STPG1: variants seen among roughly 807,000 people sequenced by gnomAD.
STPG1 encodes sperm tail PG-rich repeat containing 1.
STPG1 carries 33 observed loss-of-function variants against 40.1 expected under a neutral mutation model. That is an observed-to-expected ratio of 0.82 (90% CI 0.62 to 1.10). STPG1 has a LOEUF of 1.10. STPG1 is among the 50% of genes least tolerant of loss of function. The pLI is 0.00. For missense variants in STPG1, 396 were observed against 415.1 expected (o/e 0.95, Z 0.40); for synonymous variants, 150 against 155.0 (o/e 0.97, Z 0.24).
rs537570018 is a variant in STPG1, at chr1:24,400,370, A to G, written c.70+949T>C. ...TTTACTTTTGCAGGGAAGGGAGATA[A>G]TATCTGAGAAGGGACAAGGGCTTTT... On this transcript the variant is annotated intron_variant, in intron 2 of 8. Transcript: ENST00000337248. Among the ~76,000 whole-genome samples, 121 of 152,322 alleles carry G rather than the reference A, an allele frequency of 7.9e-4. 1 individual carries two copies. The highest frequency in any genetic ancestry group is 2.3e-3 in the East Asian group (12 of 5,178).
In STPG1 at chr1:24,373,915, A is replaced by C. The variant is rs958907025; in HGVS notation, c.463-105T>G. The C allele has an allele frequency of 1.6e-5, 13 of 793,050 alleles. No individual in the cohort carries two copies. The Admixed American group carries it at 2.4e-4, about 15-fold the overall frequency. The allele number at this position is 793,050 out of a possible 1,614,324, so 49.1% of individuals were successfully genotyped here. On this transcript the variant is annotated intron_variant, in intron 5 of 8. Transcript: ENST00000337248. Reference sequence around the variant, plus strand: ...ATCTACGTAAAAAAAATCAAACCGAAACCTGTCCTTCTTAGCAAATGAACA... The same window carrying C: ...ATCTACGTAAAAAAAATCAAACCGACACCTGTCCTTCTTAGCAAATGAACA...
rs1200942933 is a variant in STPG1, at chr1:24,364,135, C to T, written c.738-3094G>A. Reference sequence around the variant, plus strand: ...CTGTTCCTTCTGTGAGAAACACCAACTTTCCCTGCAAACTCGAATTCAATT... The same window carrying T: ...CTGTTCCTTCTGTGAGAAACACCAATTTTCCCTGCAAACTCGAATTCAATT... On this transcript the variant is annotated intron_variant, in intron 7 of 8. Transcript: ENST00000337248. The T allele has an allele frequency of 3.4e-6, 5 of 1,470,766 alleles. No homozygotes were observed. In the Admixed American group the frequency reaches 1.2e-4, roughly 36 times the overall value. The allele number at this position is 1,470,766 out of a possible 1,614,324, so 91.1% of individuals were successfully genotyped here.
chr1:24,410,391 A>G (rs1025758349), intron 1 of STPG1, among the ~76,000 whole-genome samples: 3 of 152,212 alleles, frequency 2.0e-5, no homozygotes, highest in Non-Finnish European at 4.4e-5. Flanking sequence ...TGGGCGGATC[A>G]TGAGGTCAGG....
At chr1:24,412,751 T>C (rs1263618226) in intron 1 of STPG1, among the ~76,000 whole-genome samples, 1 of 152,154 alleles carries the variant, frequency 6.6e-6, no homozygotes, top group African/African-American at 2.4e-5. Context: ...TTCATAAATA[T>C]TGGTGGAATG....
At chr1:24,407,266 C>T (rs977568380) in intron 1 of STPG1, among the ~76,000 whole-genome samples, 2 of 152,070 alleles carry the variant, frequency 1.3e-5, no homozygotes, top group African/African-American at 4.8e-5. Context: ...AATATTCAGC[C>T]ATTATTTTTT....
intron 8 of STPG1, among the ~76,000 whole-genome samples, chr1:24,360,067 T>C (rs1640997511): frequency 6.6e-6 from 1 of 152,244 alleles, no homozygotes; most frequent in South Asian, 2.1e-4. Flanking sequence ...GCTGCGGACC[T>C]GTGGCCCACC....
chr1:24,403,752 T>C (rs1643314515), intron 1 of STPG1, among the ~76,000 whole-genome samples: 2 of 152,140 alleles, frequency 1.3e-5, no homozygotes, highest in African/African-American at 4.8e-5. Flanking sequence ...TTTCTCATTG[T>C]TTATTGCTGG....
chr1:24,361,735 G>A lies in STPG1; in HGVS notation c.738-694C>T, dbSNP rs72880606. ...TCAAGTCTGTCTTCCCCTCCTTCCA[G>A]AAAGGGAGTCTATCTTTTATCTCTG... On this transcript the variant is annotated intron_variant, in intron 7 of 8. Coordinates refer to ENST00000337248, the MANE Select transcript of STPG1 (RefSeq NM_001199013.2). Among the ~76,000 whole-genome samples the A allele has an allele frequency of 2.9e-3, 439 of 152,244 alleles. 3 individuals are homozygous for A. The highest frequency in any genetic ancestry group is 0.01 in the African/African-American group (423 of 41,530).
At chr1:24,370,021 G>A (rs1641661752) in intron 6 of STPG1, among the ~76,000 whole-genome samples, 182 bp from the exon 7 acceptor site, 1 of 152,132 alleles carries the variant, frequency 6.6e-6, no homozygotes, top group African/African-American at 2.4e-5. Flanking sequence ...AGATGGCACG[G>A]GAAGCACACA....
chr1:24,386,282 T>C (rs1211480817), intron 3 of STPG1, among the ~76,000 whole-genome samples: 1 of 152,230 alleles, frequency 6.6e-6, no homozygotes, highest in South Asian at 2.1e-4. Context: ...TAACACACTT[T>C]AATTCTGCCA....
chr1:24,365,452 C>T lies in STPG1; in HGVS notation c.737+4222G>A, dbSNP rs544092745. On this transcript the variant is annotated intron_variant, in intron 7 of 8. Transcript: ENST00000337248. ...TGACGGATATTGAAGACCTCAGAAG[C>T]GAAACCTTGGCTGATACTTCACTTT... 6.6e-5 allele frequency among the ~76,000 whole-genome samples: 10 copies of T among 152,308 alleles called. No homozygotes were observed. In the South Asian group the frequency reaches 1.7e-3, roughly 25 times the overall value.
Position 24,369,761 on chromosome 1 carries a change from C to T in STPG1, c.650G>A (p.Arg217His), listed in dbSNP as rs779004268. ...LMSCFKSKTN[R>H]GLKLTSTGPG... ...GCCTGTTGACGTCAGTTTTAATCCA[C>T]GGTTGGTTTTTGATTTAAAACAAGA... is the stretch of plus-strand genomic sequence containing the variant. Residue 217 changes from arginine (R) to histidine (H), a missense_variant, in exon 7 of 9, where the codon CGT (arginine) becomes CAT (histidine). Coordinates refer to ENST00000337248, the MANE Select transcript of STPG1 (RefSeq NM_001199013.2). 8.1e-6 allele frequency: 13 copies of T among 1,613,168 alleles called. No homozygotes were observed. Among genetic ancestry groups the T allele is most frequent in the Middle Eastern group, 1.7e-4 (1 of 6,058 alleles).
intron 1 of STPG1, among the ~76,000 whole-genome samples, chr1:24,407,896 A>G (rs576096): frequency 0.19 from 28,982 of 152,042 alleles, 3,232 homozygotes; most frequent in East Asian, 0.3. Context: ...CATCCTTAGG[A>G]ATATTTGTAA....
Position 24,361,111 on chromosome 1 carries a change from A to G in STPG1, c.738-70T>C, listed in dbSNP as rs529236101. ...TGGGGAAGGCACAGTTTCTAGACAC[A>G]GCCAAGACCTGCACAGCAGCAAGCT... On this transcript the variant is annotated intron_variant, in intron 7 of 8. Coordinates refer to ENST00000337248, the MANE Select transcript of STPG1 (RefSeq NM_001199013.2). The G allele has an allele frequency of 2.5e-5, 35 of 1,375,726 alleles. No individual in the cohort carries two copies. The Middle Eastern group carries it at 9.6e-4, about 38-fold the overall frequency. 85.2% of individuals were successfully genotyped at this position (1,375,726 alleles called of 1,614,324 possible). A position where few individuals can be genotyped will look rare whatever the true frequency, so the allele number is the denominator to read the frequency against.
chr1:24,378,761 G>T (rs1254991358), intron 5 of STPG1, among the ~76,000 whole-genome samples: 1 of 152,208 alleles, frequency 6.6e-6, no homozygotes, highest in Non-Finnish European at 1.5e-5. Context: ...TTTGGAAAAT[G>T]GCATAACATT....
At chr1:24,364,907 A>T (rs1223485137) in intron 7 of STPG1, among the ~76,000 whole-genome samples, 1 of 152,242 alleles carries the variant, frequency 6.6e-6, no homozygotes, top group East Asian at 1.9e-4. Context: ...ATCACCTAAG[A>T]ATAATGAATG....
chr1:24,398,593 G>A (rs1224716613), intron 2 of STPG1, among the ~76,000 whole-genome samples: 2 of 152,192 alleles, frequency 1.3e-5, no homozygotes, highest in South Asian at 4.1e-4. Context: ...TGTGTATGGG[G>A]AAATTGCAAA....
intron 3 of STPG1, among the ~76,000 whole-genome samples, chr1:24,385,582 T>C (rs1051443834): frequency 6.6e-6 from 1 of 152,204 alleles, no homozygotes; most frequent in Non-Finnish European, 1.5e-5. Flanking sequence ...GGACTTTACA[T>C]GTACTATTAG....
At chr1:24,360,061 C>T (rs1242178491) in intron 8 of STPG1, among the ~76,000 whole-genome samples, 1 of 152,198 alleles carries the variant, frequency 6.6e-6, no homozygotes, top group Non-Finnish European at 1.5e-5. Flanking sequence ...GAACTCGCTG[C>T]GGACCTGTGG....
Sources: gnomAD v4.1 joint callset for allele counts (sites outside exome capture counted in the v4.1 genomes callset) on GRCh38, gnomAD v4.1.1 for gene constraint, MANE v1.5 for transcripts, NCBI Gene and HGNC (gene_info 2026-07-23, HGNC 2026-07-21) for gene names.